The following CEP112 variants were observed in gnomAD, a reference collection of about 807,000 sequenced individuals.
CEP112 encodes the protein centrosomal protein of 112 kDa.
In CEP112, 127 loss-of-function variants were observed where a neutral mutation model predicts 153.0. That is an observed-to-expected ratio of 0.83 (90% CI 0.72 to 0.96). The LOEUF is 0.96. Ranked by LOEUF, CEP112 falls within the 40% of genes least tolerant of loss-of-function variation. The probability of loss-of-function intolerance (pLI) is 0.00; values close to 1 mark genes in which losing one functional copy is unlikely to be tolerated. For missense variants in CEP112, 1,089 were observed against 1,101.2 expected, an observed-to-expected ratio of 0.99 and a Z score of 0.16; for synonymous variants, 358 against 374.4, an observed-to-expected ratio of 0.96 and a Z score of 0.51.
At chr17:65,822,571 G>A (rs1281760253) in intron 21 of CEP112, among the ~76,000 whole-genome samples, 2 of 151,978 alleles carry the variant, frequency 1.3e-5, no homozygotes, top group Non-Finnish European at 2.9e-5. Context: ...ATCCACGGTT[G>A]GTTGAACCCA....
intron 23 of CEP112, among the ~76,000 whole-genome samples, chr17:65,721,887 G>A (rs943634607): frequency 2.6e-5 from 4 of 151,964 alleles, no homozygotes; most frequent in Non-Finnish European, 4.4e-5. Context: ...ACTATTGAAG[G>A]AAAGAAACAT....
intron 21 of CEP112, among the ~76,000 whole-genome samples, chr17:65,793,990 C>A (rs2054752975): frequency 6.6e-6 from 1 of 152,178 alleles, no homozygotes. Context: ...TGATAGTTTT[C>A]TTGAATAATT....
intron 6 of CEP112, among the ~76,000 whole-genome samples, chr17:66,119,855 T>G (rs1229463053): frequency 6.6e-6 from 1 of 152,188 alleles, no homozygotes; most frequent in Admixed American, 6.5e-5. Context: ...GAGGTGAGGG[T>G]TCCAGTTGCT....
At chr17:65,921,537 A>ACTAC (rs992098208) in intron 19 of CEP112, among the ~76,000 whole-genome samples, 1 of 152,162 alleles carries the variant, frequency 6.6e-6, no homozygotes, top group Non-Finnish European at 1.5e-5. Context: ...TCCTTAGTGA[A>ACTAC]CTACCACCTG....
chr17:65,826,577 T>C (rs1207881245), intron 21 of CEP112: 1 of 1,268,256 alleles, frequency 7.9e-7, no homozygotes. Flanking sequence ...GCACACCTTC[T>C]TTGTGATTCT....
rs1424883985 is a variant in CEP112 at position 65,794,986 on chromosome 17, C to T, written c.2395-44262G>A. Among the ~76,000 whole-genome samples, 3 of 152,336 alleles carry T rather than the reference C, an allele frequency of 2.0e-5. No individual in the cohort carries two copies. In the East Asian group the frequency reaches 5.8e-4, roughly 29 times the overall value. ...ACATGGAACAGTATCTGACACAAGG[C>T]AGGTATTCAACAAACGTGTTGAAAG... On this transcript the variant is annotated intron_variant, in intron 21 of 26. Transcript: ENST00000535342.
At chr17:66,166,121 T>C (rs953560113) in intron 4 of CEP112, among the ~76,000 whole-genome samples, 5 of 152,172 alleles carry the variant, frequency 3.3e-5, no homozygotes, top group Non-Finnish European at 7.4e-5. Flanking sequence ...TCTGATATGG[T>C]AAAAATAGTA....
chr17:65,917,556 T>C (rs1248049859), intron 19 of CEP112, among the ~76,000 whole-genome samples: 8 of 152,184 alleles, frequency 5.3e-5, no homozygotes. Flanking sequence ...TTCCCACTTT[T>C]ATTTGCTCTC....
At chr17:65,918,884 T>TA (rs2060595925) in intron 19 of CEP112, among the ~76,000 whole-genome samples, 2 of 152,232 alleles carry the variant, frequency 1.3e-5, no homozygotes, top group Non-Finnish European at 2.9e-5. Flanking sequence ...TGTTTTCACT[T>TA]CATTACAGTT....
chr17:65,644,485 C>A (rs1185790092), intron 24 of CEP112: 4 of 354,632 alleles, frequency 1.1e-5, no homozygotes, highest in African/African-American at 6.4e-5. Context: ...AACTGGATGG[C>A]AGCCAGCTCA....
chr17:65,639,178 T>C (rs1412578799), intron 25 of CEP112, among the ~76,000 whole-genome samples: 1 of 152,056 alleles, frequency 6.6e-6, no homozygotes. Context: ...TAAGAGAAGT[T>C]TTACTAGGGG....
In CEP112 at chr17:65,644,179, C is replaced by T. The variant is rs924395807; in HGVS notation, c.2698-3114G>A. 1.5e-5 allele frequency: 12 copies of T among 803,778 alleles called. No homozygotes were observed. In the South Asian group the frequency reaches 1.7e-4, roughly 11 times the overall value. 49.8% of individuals were successfully genotyped at this position (803,778 alleles called of 1,614,324 possible). A position where few individuals can be genotyped will look rare whatever the true frequency, so the allele number is the denominator to read the frequency against. Reference sequence around the variant, plus strand: ...AACAATTCAACTTGCAGTTGTTCTTCAGCTATGGTTGCGTTGGGGACCAGA... The same window carrying T: ...AACAATTCAACTTGCAGTTGTTCTTTAGCTATGGTTGCGTTGGGGACCAGA... On this transcript the variant is annotated intron_variant, in intron 24 of 26. Transcript: ENST00000535342.
chr17:66,026,826 T>G (rs1404287901), intron 16 of CEP112, among the ~76,000 whole-genome samples: 1 of 152,206 alleles, frequency 6.6e-6, no homozygotes, highest in Non-Finnish European at 1.5e-5. Context: ...ACTTGACACA[T>G]GGCAAATCCA....
At chr17:66,013,483 T>G (rs1483698514) in intron 16 of CEP112, among the ~76,000 whole-genome samples, 1 of 152,176 alleles carries the variant, frequency 6.6e-6, no homozygotes, top group Non-Finnish European at 1.5e-5. Flanking sequence ...TCATTTCTAG[T>G]AGATTTTGAG....
rs187048508 is a variant in CEP112 at position 65,963,481 on chromosome 17, T to C, written c.1737-1883A>G. 8.6e-4 allele frequency among the ~76,000 whole-genome samples: 131 copies of C among 152,290 alleles called. 3 individuals carry two copies. In the South Asian group the frequency reaches 8.9e-3, roughly 10 times the overall value. ...TTTCAATAAGAACGTACATATCATATATCAAAATACCAAACTTTCTCCCTC... is the reference window on the plus strand; with the variant it reads ...TTTCAATAAGAACGTACATATCATACATCAAAATACCAAACTTTCTCCCTC... On this transcript the variant is annotated intron_variant, in intron 17 of 26. Transcript: ENST00000535342.
chr17:65,811,424 T>C (rs1310864094), intron 21 of CEP112, among the ~76,000 whole-genome samples: 2 of 151,886 alleles, frequency 1.3e-5, no homozygotes, highest in Non-Finnish European at 2.9e-5. Context: ...AATGTGGGGG[T>C]TGGGGAGGGC....
chr17:65,860,031 CA>C (rs1431702344), intron 20 of CEP112, among the ~76,000 whole-genome samples: 14 of 129,252 alleles, frequency 1.1e-4, no homozygotes, highest in Non-Finnish European at 1.7e-5. Context: ...AAAAAAAAAA[CA>C]AAAACCTATC....
At chr17:65,654,651 T>C (rs2045965704) in intron 24 of CEP112, among the ~76,000 whole-genome samples, 1 of 152,232 alleles carries the variant, frequency 6.6e-6, no homozygotes, top group Non-Finnish European at 1.5e-5. Flanking sequence ...GGTTCAAACC[T>C]AGCACTTTAA....
chr17:66,168,391 G>T (rs1961200357), intron 4 of CEP112, among the ~76,000 whole-genome samples: 1 of 148,018 alleles, frequency 6.8e-6, no homozygotes, highest in Non-Finnish European at 1.5e-5. Flanking sequence ...ATATATGTGT[G>T]TGTATATATA....
Sources: gnomAD v4.1 joint callset for allele counts (sites outside exome capture counted in the v4.1 genomes callset) on GRCh38, gnomAD v4.1.1 for gene constraint, MANE v1.5 for transcripts, NCBI Gene and HGNC (gene_info 2026-07-23, HGNC 2026-07-21) for gene names.